The following UNC13C variants were observed in gnomAD, a reference collection of about 807,000 sequenced individuals.
The protein encoded by UNC13C is protein unc-13 homolog C.
In UNC13C, 174 loss-of-function variants were observed where a neutral mutation model predicts 245.4. The ratio of observed to expected loss-of-function variants is 0.71; its 90% CI spans 0.63 to 0.80. UNC13C has a LOEUF of 0.80. Among genes scored for constraint, UNC13C ranks in the 30% least tolerant of loss-of-function variants. The pLI, the probability that UNC13C is intolerant of heterozygous loss-of-function variation, is 0.00. For synonymous variants in UNC13C, 992 were observed against 895.1 expected, an observed-to-expected ratio of 1.11 and a Z score of -1.93; for missense variants, 2,829 against 2,602.9, an observed-to-expected ratio of 1.09 and a Z score of -1.89.
chr15:54,464,636 A>G (rs1031813084), intron 19 of UNC13C, among the ~76,000 whole-genome samples: 5 of 152,118 alleles, frequency 3.3e-5, no homozygotes, highest in African/African-American at 4.8e-5. Flanking sequence ...TTTTAAATCA[A>G]ATTTTTATTT....
intron 2 of UNC13C, among the ~76,000 whole-genome samples, chr15:54,122,532 A>T (rs1174371575): frequency 6.6e-6 from 1 of 151,930 alleles, no homozygotes; most frequent in Non-Finnish European, 1.5e-5. Flanking sequence ...GTGCAGTTTG[A>T]TACATTTTTG....
At chr15:54,009,509 A>G (rs990707024) in intron 1 of UNC13C, among the ~76,000 whole-genome samples, 1 of 152,082 alleles carries the variant, frequency 6.6e-6, no homozygotes, top group Admixed American at 6.5e-5. Context: ...TTAATGTACA[A>G]GATAAAGCAG....
chr15:54,460,845 C>A (rs1000119643), intron 19 of UNC13C, among the ~76,000 whole-genome samples: 1 of 152,180 alleles, frequency 6.6e-6, no homozygotes, highest in Non-Finnish European at 1.5e-5. Context: ...GCACGTTAGT[C>A]CTGTCTCCTA....
At chr15:54,525,392 T>G (rs1895402255) in intron 24 of UNC13C, among the ~76,000 whole-genome samples, 157 bp from the exon 25 acceptor site, 1 of 151,028 alleles carries the variant, frequency 6.6e-6, no homozygotes, top group Admixed American at 6.6e-5. Context: ...TCCTAAATGT[T>G]TAGATTTGAT....
chr15:54,437,896 C>T (rs896128479), intron 19 of UNC13C, among the ~76,000 whole-genome samples: 2 of 151,926 alleles, frequency 1.3e-5, no homozygotes, highest in African/African-American at 4.8e-5. Context: ...CAAGGTTTTG[C>T]TACCTTTTAG....
intron 30 of UNC13C, among the ~76,000 whole-genome samples, chr15:54,581,554 T>C (rs145609099): frequency 1.2e-3 from 187 of 152,320 alleles, no homozygotes; most frequent in African/African-American, 4.3e-3. Flanking sequence ...GGTGTCTCAT[T>C]TTATAAGGAC....
chr15:53,869,793 C>T, the UNC13C span, among the ~76,000 whole-genome samples: 8 of 152,304 alleles, frequency 5.3e-5, no homozygotes, highest in East Asian at 7.7e-4. Context: ...CTTGAGTAAA[C>T]ACCACTAGAG....
chr15:54,044,308 G>A, intron 2 of UNC13C: 1 of 177,258 alleles, frequency 5.6e-6, no homozygotes, highest in Non-Finnish European at 1.3e-5. Flanking sequence ...TACCACACTT[G>A]TCTATCCATT....
At chr15:54,320,350 T>G (rs1402935188) in intron 13 of UNC13C, among the ~76,000 whole-genome samples, 2 of 151,956 alleles carry the variant, frequency 1.3e-5, no homozygotes, top group African/African-American at 4.8e-5. Context: ...CATGCAACAT[T>G]CAAAGTTGAG....
At chr15:54,557,652 C>T (rs760769504) in intron 29 of UNC13C, among the ~76,000 whole-genome samples, 13 of 151,770 alleles carry the variant, frequency 8.6e-5, no homozygotes, top group Non-Finnish European at 1.5e-4. Context: ...AAGGAGCAGA[C>T]GCTACCCATG....
At chr15:54,624,960 A>C (rs868566026) in intron 32 of UNC13C, among the ~76,000 whole-genome samples, 1 of 152,182 alleles carries the variant, frequency 6.6e-6, no homozygotes, top group East Asian at 1.9e-4. Context: ...AGAAAGAGTC[A>C]TTACTAAAAT....
At chr15:54,374,444 G>A (rs1262464868) in intron 17 of UNC13C, among the ~76,000 whole-genome samples, 1 of 152,192 alleles carries the variant, frequency 6.6e-6, no homozygotes, top group Admixed American at 6.5e-5. Context: ...GGCCAAGGCA[G>A]CAGGGAGCTG....
chr15:54,383,790 A>G (rs1448617312), intron 17 of UNC13C, among the ~76,000 whole-genome samples: 5 of 152,298 alleles, frequency 3.3e-5, no homozygotes, highest in African/African-American at 1.2e-4. Context: ...GAAAATTCTT[A>G]GAACTTATAA....
rs138204236 is a variant in UNC13C at position 54,508,968 on chromosome 15, G to C, written c.5379+1774G>C. Among the ~76,000 whole-genome samples, 1,423 of 152,264 alleles carry C rather than the reference G, an allele frequency of 9.3e-3. 30 individuals are homozygous for C. The highest frequency in any genetic ancestry group is 0.033 in the African/African-American group (1,367 of 41,546). ...TAATTCCAGCACTTTGGGCGGCTGA[G>C]GTGGGCAGATCACCTGAGGTCAGGA... On this transcript the variant is annotated intron_variant, in intron 23 of 32. Coordinates refer to ENST00000260323, the MANE Select transcript of UNC13C (RefSeq NM_001080534.3).
chr15:54,620,828 C>T (rs1456761365), intron 30 of UNC13C, among the ~76,000 whole-genome samples: 1 of 151,014 alleles, frequency 6.6e-6, no homozygotes. Flanking sequence ...AGGCTATAAT[C>T]ATGCCTTCAG....
intron 17 of UNC13C, among the ~76,000 whole-genome samples, chr15:54,355,016 G>A (rs894220872): frequency 1.3e-5 from 2 of 151,990 alleles, no homozygotes; most frequent in African/African-American, 4.8e-5. Context: ...ATTGGAACAG[G>A]AAGAAAGGCC....
intron 5 of UNC13C, 98 bp from the exon 6 acceptor site, chr15:54,236,332 T>A: frequency 1.1e-6 from 1 of 912,314 alleles, no homozygotes; most frequent in Non-Finnish European, 1.7e-6. Flanking sequence ...GAAATAATTG[T>A]AAAGTGTTAG....
chr15:54,005,802 AC>A (rs1327285709), intron 1 of UNC13C, among the ~76,000 whole-genome samples: 2 of 152,220 alleles, frequency 1.3e-5, no homozygotes, highest in Non-Finnish European at 2.9e-5. Flanking sequence ...GGAAGAATAC[AC>A]GTGTGCATCC....
At chr15:54,048,088 T>C (rs1897117336) in intron 2 of UNC13C, among the ~76,000 whole-genome samples, 1 of 152,082 alleles carries the variant, frequency 6.6e-6, no homozygotes, top group Non-Finnish European at 1.5e-5. Flanking sequence ...TTAAAGGTAA[T>C]CCTTTTTTTA....
Sources: allele counts gnomAD v4.1 joint callset (sites outside exome capture counted in the v4.1 genomes callset), GRCh38; gene constraint gnomAD v4.1.1; transcripts MANE v1.5; gene names NCBI Gene and HGNC (gene_info 2026-07-23, HGNC 2026-07-21).